The following DAB1 variants were observed in gnomAD, a reference collection of about 807,000 sequenced individuals.
DAB1 encodes the protein disabled homolog 1.
A neutral mutation model predicts 64.6 loss-of-function variants in DAB1; 15 were observed. That is an observed-to-expected ratio of 0.23 (90% CI 0.16 to 0.36). The LOEUF is 0.36. Ranked by LOEUF, DAB1 falls within the 10% of genes least tolerant of loss-of-function variation. The pLI, the probability that DAB1 is intolerant of heterozygous loss-of-function variation, is 1.00. For synonymous variants in DAB1, 235 were observed against 251.9 expected, an observed-to-expected ratio of 0.93 and a Z score of 0.64; for missense variants, 596 against 706.7, an observed-to-expected ratio of 0.84 and a Z score of 1.78.
intron 6 of DAB1, among the ~76,000 whole-genome samples, chr1:57,713,953 A>G (rs1416634603): frequency 6.6e-6 from 1 of 152,150 alleles, no homozygotes; most frequent in Non-Finnish European, 1.5e-5. Flanking sequence ...TTATTCATTC[A>G]TTCCACCTAC....
At chr1:57,678,331 G>C (rs1410459943) in intron 6 of DAB1, among the ~76,000 whole-genome samples, 1 of 152,150 alleles carries the variant, frequency 6.6e-6, no homozygotes, top group East Asian at 1.9e-4. Flanking sequence ...AAACTCAAAC[G>C]CTGTTGTTTA....
At chr1:57,242,153 G>T (rs542317858) in intron 2 of DAB1, among the ~76,000 whole-genome samples, 117 of 152,298 alleles carry the variant, frequency 7.7e-4, no homozygotes, top group African/African-American at 2.6e-3. Flanking sequence ...AATTGTTAAA[G>T]GTTGGAGAAC....
Position 57,220,253 on chromosome 1 carries a change from G to A in DAB1, c.67+70711C>T, listed in dbSNP as rs984707446. Among the ~76,000 whole-genome samples the A allele has an allele frequency of 5.9e-5, 9 of 152,290 alleles. No individual in the cohort carries two copies. The East Asian group carries it at 1.7e-3, about 29-fold the overall frequency. ...TTGCTATAATCTGTCTGGAAAGCCA[G>A]GAGGATCTTTCCAAGGACACTAGTG... On this transcript the variant is annotated intron_variant, in intron 2 of 14. Transcript: ENST00000371236.
intron 2 of DAB1, among the ~76,000 whole-genome samples, chr1:58,510,649 A>G (rs1646060018): frequency 6.6e-6 from 1 of 152,104 alleles, no homozygotes; most frequent in Admixed American, 6.6e-5. Flanking sequence ...GAAAGAAATA[A>G]AAGGCATTTA....
intron 5 of DAB1, among the ~76,000 whole-genome samples, chr1:57,928,436 A>T (rs74833835): frequency 0.013 from 1,926 of 152,228 alleles, 47 homozygotes; most frequent in African/African-American, 0.045. Context: ...ACAATTCATG[A>T]ACCTGCACTG....
At chr1:58,422,898 C>T (rs1331530088) in intron 3 of DAB1, among the ~76,000 whole-genome samples, 3 of 152,176 alleles carry the variant, frequency 2.0e-5, no homozygotes, top group Admixed American at 6.5e-5. Flanking sequence ...TCTTCTAAAT[C>T]TAACAGGAGC....
rs566266479 is a variant in DAB1, at chr1:57,398,130, C to T, written c.-137+25800G>A. ...AAGGCTTTTCACTCATACATTTGCT[C>T]ATTCATTCAGTCAACACTATCGAGT... On this transcript the variant is annotated intron_variant, in intron 1 of 14. Coordinates refer to ENST00000371236, the MANE Select transcript of DAB1 (RefSeq NM_001365792.1). Among the ~76,000 whole-genome samples, 8 of 152,338 alleles carry T rather than the reference C, an allele frequency of 5.3e-5. No individual in the cohort carries two copies. The East Asian group carries it at 1.3e-3, about 26-fold the overall frequency.
chr1:58,215,976 CATGGATGG>C (rs71733910), intron 4 of DAB1, among the ~76,000 whole-genome samples: 3,363 of 152,088 alleles, frequency 0.022, 101 homozygotes, highest in African/African-American at 0.076. Context: ...TGAATGAATG[CATGGATGG>C]ATGGATGGAT....
In DAB1 at chr1:57,238,644, C is replaced by A. The variant is rs966768772; in HGVS notation, c.67+52320G>T. On this transcript the variant is annotated intron_variant, in intron 2 of 14. Transcript: ENST00000371236. ...AGTCCTTCCTGCATCCTAAGAGGAGCTTCAGATTAAGCCCTAGTTAATCCC... is the reference window on the plus strand; with the variant it reads ...AGTCCTTCCTGCATCCTAAGAGGAGATTCAGATTAAGCCCTAGTTAATCCC... Among the ~76,000 whole-genome samples the A allele has an allele frequency of 1.8e-4, 27 of 152,142 alleles. 1 individual carries two copies. Among genetic ancestry groups the A allele is most frequent in the Admixed American group, 1.5e-3 (23 of 15,278 alleles).
At chr1:57,653,245 C>T (rs1646276808) in intron 6 of DAB1, among the ~76,000 whole-genome samples, 1 of 152,112 alleles carries the variant, frequency 6.6e-6, no homozygotes, top group Admixed American at 6.5e-5. Context: ...TCCTAAATTT[C>T]CATACATATT....
At chr1:57,276,226 T>C (rs1251752839) in intron 2 of DAB1, among the ~76,000 whole-genome samples, 1 of 152,222 alleles carries the variant, frequency 6.6e-6, no homozygotes, top group Non-Finnish European at 1.5e-5. Context: ...TTCTCACTCA[T>C]CGCCAGGACA....
intron 7 of DAB1, among the ~76,000 whole-genome samples, chr1:57,604,972 A>T (rs937707524): frequency 2.0e-5 from 3 of 152,178 alleles, no homozygotes; most frequent in Admixed American, 2.0e-4. Flanking sequence ...ATAACATGTG[A>T]TTATAAAAAT....
chr1:57,877,555 T>TA lies in DAB1; in HGVS notation n.87+6443_87+6444insT, dbSNP rs942460967. Reference sequence around the variant, plus strand: ...AATCCTAATTGATTTATTTTTTTTTTTTTTTTTTTTTTTTTTGAGACGGAG... The same window carrying TA: ...AATCCTAATTGATTTATTTTTTTTTTATTTTTTTTTTTTTTTTGAGACGGAG... On this transcript the variant is annotated intron_variant and non_coding_transcript_variant, in intron 1 of 1. Coordinates refer to the DAB1 transcript ENST00000477280. Among the ~76,000 whole-genome samples the TA allele has an allele frequency of 2.4e-4, 5 of 20,804 alleles. 2 individuals are homozygous for TA. The highest frequency in any genetic ancestry group is 1.4e-3 in the African/African-American group (5 of 3,588). The allele number at this position is 20,804 out of a possible 152,430, so 13.6% of individuals were successfully genotyped here.
chr1:57,497,679 C>T (rs1482265665), intron 7 of DAB1, among the ~76,000 whole-genome samples: 4 of 152,128 alleles, frequency 2.6e-5, no homozygotes, highest in Non-Finnish European at 5.9e-5. Context: ...AGATGAATGT[C>T]TCAATGGAGG....
intron 9 of DAB1, among the ~76,000 whole-genome samples, chr1:57,039,851 G>T (rs1014919108): frequency 6.6e-6 from 1 of 152,210 alleles, no homozygotes; most frequent in African/African-American, 2.4e-5. Flanking sequence ...TAAAGGAAAG[G>T]AGATATCAAT....
chr1:57,314,157 T>C (rs1674982993), intron 1 of DAB1, among the ~76,000 whole-genome samples: 1 of 152,216 alleles, frequency 6.6e-6, no homozygotes, highest in African/African-American at 2.4e-5. Context: ...ATTTACTCAC[T>C]CAGCTCCTCA....
At chr1:58,056,249 C>T (rs1648077861) in intron 5 of DAB1, 1 of 1,346,278 alleles carries the variant, frequency 7.4e-7, no homozygotes, top group Non-Finnish European at 1.1e-6. Context: ...CTGTGAATTG[C>T]ACAACTCACA....
At chr1:58,128,168 C>G (rs914965496) in intron 5 of DAB1, among the ~76,000 whole-genome samples, 2 of 152,028 alleles carry the variant, frequency 1.3e-5, no homozygotes, top group Non-Finnish European at 2.9e-5. Context: ...TTGAAGAGGT[C>G]CTTCATATCC....
At chr1:58,335,724 C>G (rs1236920) in intron 4 of DAB1, among the ~76,000 whole-genome samples, 17,443 of 152,000 alleles carry the variant, frequency 0.11, 1,092 homozygotes, top group African/African-American at 0.16. Context: ...GTAAAGCTGT[C>G]GATTCTTGCT....
Sources: allele counts gnomAD v4.1 joint callset (sites outside exome capture counted in the v4.1 genomes callset), GRCh38; gene constraint gnomAD v4.1.1; transcripts MANE v1.5; gene names NCBI Gene and HGNC (gene_info 2026-07-23, HGNC 2026-07-21).